Variants in TINCR observed in about 807,000 individuals in gnomAD.
TINCR encodes TINCR ubiquitin domain containing, also known as TINCR-encoded ubiquitin-like protein.
downstream of TINCR, chr19:5,561,065 A>G (rs8113645): frequency 0.68 from 104,935 of 153,952 alleles, 36,116 homozygotes; most frequent in East Asian, 0.85. Flanking sequence ...GTGGCTGGGA[A>G]AATGTCCTGG....
At position 5,563,669 on chromosome 19, in the gene TINCR, C is replaced by A. The variant is rs1451080868; in HGVS notation, c.261-720G>T. On this transcript the variant is annotated intron_variant, in intron 1 of 1. Coordinates refer to ENST00000646160, the Ensembl canonical transcript of TINCR. The surrounding 1 kb of genome is among the most constrained non-coding windows in gnomAD (Gnocchi z 4.7). Reference sequence around the variant, plus strand: ...GTGGCTCACGCGTGTAATCCCAGCACTTTGGGAGGCTGAGGTAGGCAGATC... The same window carrying A: ...GTGGCTCACGCGTGTAATCCCAGCAATTTGGGAGGCTGAGGTAGGCAGATC... Among the ~76,000 whole-genome samples, 1 of 152,136 alleles carries A rather than the reference C, an allele frequency of 6.6e-6. No individual in the cohort carries two copies. Among genetic ancestry groups the A allele is most frequent in the Admixed American group, 6.6e-5 (1 of 15,260 alleles).
In TINCR at chr19:5,563,323, G is replaced by C. The variant is rs1305598346; in HGVS notation, c.261-374C>G. ...GTAGGGGACAAGGGCAGGGGCTGCG[G>C]ACCTTGGTGGGGGGCAACTGGGCTG... On this transcript the variant is annotated intron_variant, in intron 1 of 1. Transcript: ENST00000646160. This position sits in a 1 kb window ranked among gnomAD's most constrained non-coding sequence, Gnocchi z 4.7. Among the ~76,000 whole-genome samples the C allele has an allele frequency of 6.6e-6, 1 of 152,056 alleles. No homozygotes were observed. Among genetic ancestry groups the C allele is most frequent in the Non-Finnish European group, 1.5e-5 (1 of 68,012 alleles).
At chr19:5,558,836 T>C (rs1014302315), downstream of TINCR, 3 of 152,228 alleles carry the variant, frequency 2.0e-5, no homozygotes, top group African/African-American at 7.2e-5. Flanking sequence ...GAAGCCACTT[T>C]TGCAACTTAT....
chr19:5,558,317 A>C (rs1012792391), downstream of TINCR: 3 of 152,202 alleles, frequency 2.0e-5, no homozygotes, highest in African/African-American at 7.2e-5. Context: ...ATCCCGAGTG[A>C]GTCAGAAGGT....
intron 1 of TINCR, among the ~76,000 whole-genome samples, chr19:5,567,213 TGA>T (rs1225026176): frequency 1.4e-5 from 2 of 138,808 alleles, no homozygotes; most frequent in Admixed American, 7.1e-5. Context: ...ACAAAAGAGA[TGA>T]GAGAGACAAA....
At chr19:5,567,626 G>GCCTACCCCCCCCCCCCCCCCCCCCC in intron 1 of TINCR, 39 bp downstream of exon 1, 3 of 202,436 alleles carry the variant, frequency 1.5e-5, no homozygotes, top group Non-Finnish European at 2.9e-5. Context: ...GTCCCCGGCC[G>GCCTACCCCCCCCCCCCCCCCCCCCC]CCGCCCCCGC....
At chr19:5,564,821 G>A (rs562978747) in intron 1 of TINCR, among the ~76,000 whole-genome samples, 3 of 152,230 alleles carry the variant, frequency 2.0e-5, no homozygotes, top group African/African-American at 4.8e-5. Flanking sequence ...CAGGTGATCC[G>A]CCCACCTTGG....
chr19:5,567,642 C>T (rs1442130000), intron 1 of TINCR, 23 bp downstream of exon 1: 1 of 359,876 alleles, frequency 2.8e-6, no homozygotes, highest in Non-Finnish European at 5.0e-6. Context: ...CCCGCCCCAC[C>T]CCACCCCGAG....
chr19:5,559,920 G>A (rs2052092193), downstream of TINCR: 2 of 152,256 alleles, frequency 1.3e-5, no homozygotes, highest in African/African-American at 4.8e-5. Context: ...TGGGCCTCAG[G>A]CTACCCTCTG....
chr19:5,567,261 AAAAG>A (rs1271220359), intron 1 of TINCR, among the ~76,000 whole-genome samples: 3 of 152,076 alleles, frequency 2.0e-5, no homozygotes, highest in Non-Finnish European at 2.9e-5. Flanking sequence ...AGACACAGAC[AAAAG>A]AGAGAGATGA....
chr19:5,565,699 G>A lies in TINCR; in HGVS notation c.260+1966C>T, dbSNP rs994044246. Reference sequence around the variant, plus strand: ...TCCCTCAAGAGGGCCTGGGGAGGGGGCCTCTCCTGCCCCCATTGCAGCCCC... The same window carrying A: ...TCCCTCAAGAGGGCCTGGGGAGGGGACCTCTCCTGCCCCCATTGCAGCCCC... On this transcript the variant is annotated intron_variant, in intron 1 of 1. Coordinates refer to ENST00000646160, the Ensembl canonical transcript of TINCR. The surrounding 1 kb of genome is among the most constrained non-coding windows in gnomAD (Gnocchi z 4.0). Among the ~76,000 whole-genome samples, 8 of 152,086 alleles carry A rather than the reference G, an allele frequency of 5.3e-5. No homozygotes were observed. Among genetic ancestry groups the A allele is most frequent in the Admixed American group, 4.6e-4 (7 of 15,264 alleles).
rs1324631927 is a variant in TINCR at position 5,563,123 on chromosome 19, G to A, written c.261-174C>T. Among the ~76,000 whole-genome samples, 3 of 151,936 alleles carry A rather than the reference G, an allele frequency of 2.0e-5. No individual in the cohort carries two copies. The highest frequency in any genetic ancestry group is 4.4e-5 in the Non-Finnish European group (3 of 68,006). On this transcript the variant is annotated intron_variant, in intron 1 of 1. Transcript: ENST00000646160. This position sits in a 1 kb window ranked among gnomAD's most constrained non-coding sequence, Gnocchi z 4.7. ...AGGAAGGGGAAGAGAGGGAGGAGGA[G>A]CAAGCAGGGAGGGAATACAGCAGGT...
upstream of TINCR, chr19:5,567,953 T>TGGCCCCG (rs931300283): frequency 1.8e-4 from 67 of 369,544 alleles, no homozygotes; most frequent in African/African-American, 1.4e-3. Flanking sequence ...GCTCCAGCTC[T>TGGCCCCG]GGCCCCGGGC....
intron 1 of TINCR, 35 bp downstream of exon 1, chr19:5,567,630 C>CCCCCCCCCCCCCCCCCCCCCCCCCA: frequency 3.0e-6 from 1 of 330,374 alleles, no homozygotes; most frequent in Non-Finnish European, 5.5e-6. Context: ...CCGGCCGCCG[C>CCCCCCCCCCCCCCCCCCCCCCCCCA]CCCCGCCCCA....
rs952343447 is a variant in TINCR, at chr19:5,565,390, G to A, written c.260+2275C>T. ...GCATCCCCCACAGCGCCAATTGCGA[G>A]TTGACATTCTCCTGTGCTATTATTT... On this transcript the variant is annotated intron_variant, in intron 1 of 1. Transcript: ENST00000646160. The surrounding 1 kb of genome is among the most constrained non-coding windows in gnomAD (Gnocchi z 4.0). Among the ~76,000 whole-genome samples, 3 of 152,202 alleles carry A rather than the reference G, an allele frequency of 2.0e-5. No individual in the cohort carries two copies. The highest frequency in any genetic ancestry group is 6.5e-5 in the Admixed American group (1 of 15,276).
intron 1 of TINCR, among the ~76,000 whole-genome samples, chr19:5,566,271 A>G (rs1906537859): frequency 6.6e-6 from 1 of 152,226 alleles, no homozygotes; most frequent in Admixed American, 6.5e-5. Flanking sequence ...CGAGAAAAAG[A>G]GCAGAGACCA....
At chr19:5,567,209 G>A (rs2052134489) in intron 1 of TINCR, among the ~76,000 whole-genome samples, 1 of 151,892 alleles carries the variant, frequency 6.6e-6, no homozygotes, top group Non-Finnish European at 1.5e-5. Context: ...AGCCACAAAA[G>A]AGATGAGAGA....
intron 1 of TINCR, among the ~76,000 whole-genome samples, chr19:5,564,666 C>T (rs2052119162): frequency 6.6e-6 from 1 of 152,218 alleles, no homozygotes; most frequent in African/African-American, 2.4e-5. Flanking sequence ...GCAACCTCCG[C>T]CTCCAGGTTC....
chr19:5,559,037 G>A (rs949845431), downstream of TINCR: 2 of 152,264 alleles, frequency 1.3e-5, no homozygotes, highest in African/African-American at 4.8e-5. Flanking sequence ...CAAGGGACAG[G>A]TCCAACATTA....
Sources: gnomAD v4.1 joint callset for allele counts (sites outside exome capture counted in the v4.1 genomes callset) on GRCh38, gnomAD v4.1.1 for gene constraint, Gnocchi (gnomAD v3.1) non-coding constraint, MANE v1.5 for transcripts, NCBI Gene and HGNC (gene_info 2026-07-23, HGNC 2026-07-21) for gene names.